The following ATP13A1 variants were observed in gnomAD, a reference collection of about 807,000 sequenced individuals.
ATP13A1 encodes the protein endoplasmic reticulum transmembrane helix translocase.
In ATP13A1, 55 loss-of-function variants were observed where a neutral mutation model predicts 134.8. The observed-to-expected ratio is 0.41, with a 90% confidence interval of 0.33 to 0.51. ATP13A1 has a LOEUF of 0.51. Among genes scored for constraint, ATP13A1 ranks in the 20% least tolerant of loss-of-function variants. The probability of loss-of-function intolerance (pLI) is 0.29; values close to 1 mark genes in which losing one functional copy is unlikely to be tolerated. For missense variants in ATP13A1, 1,389 were observed against 1,652.8 expected, an observed-to-expected ratio of 0.84 and a Z score of 2.77; for synonymous variants, 775 against 725.1, an observed-to-expected ratio of 1.07 and a Z score of -1.10.
At chr19:19,650,137 G>A (rs2144996468) in intron 17 of ATP13A1, 197 bp from the exon 18 acceptor site, 4 of 604,010 alleles carry the variant, frequency 6.6e-6, no homozygotes, top group Non-Finnish European at 1.2e-5. Context: ...GGAACCAAGA[G>A]CCTGGGGCCT....
chr19:19,659,814 C>T (rs746197673), intron 2 of ATP13A1, 23 bp from the exon 3 acceptor site: 2 of 1,610,180 alleles, frequency 1.2e-6, no homozygotes, highest in Admixed American at 1.7e-5. Flanking sequence ...GTGTGTTTGC[C>T]ACAGAGGCCC....
chr19:19,659,030 T>A (rs1599437532), intron 3 of ATP13A1, among the ~76,000 whole-genome samples: 1 of 152,252 alleles, frequency 6.6e-6, no homozygotes, highest in South Asian at 2.1e-4. Flanking sequence ...ACACTCAAGG[T>A]CTCACACCCC....
chr19:19,645,535 G>A lies in ATP13A1; in HGVS notation c.3505-3C>T. The A allele has an allele frequency of 1.3e-6, 2 of 1,593,184 alleles. No homozygotes were observed. Among genetic ancestry groups the A allele is most frequent in the Non-Finnish European group, 1.7e-6 (2 of 1,170,066 alleles). On this transcript the variant is annotated splice_polypyrimidine_tract_variant and splice_region_variant and intron_variant, in intron 25 of 25. Transcript: ENST00000357324. The surrounding 1 kb of genome is among the most constrained non-coding windows in gnomAD (Gnocchi z 4.1). The stretch of plus-strand genomic sequence containing the variant: ...ACCTGGGCAATGACCAGCTTGAACT[G>A]TCGGGGCAGGGAGGGATGGTGAGCT...
At chr19:19,646,180 TCAC>T (rs2061984502) in intron 23 of ATP13A1, 22 bp downstream of exon 23, 1 of 1,612,816 alleles carries the variant, frequency 6.2e-7, no homozygotes, top group Non-Finnish European at 8.5e-7. Flanking sequence ...TGCAGGGACA[TCAC>T]CTCCTCCAAG....
chr19:19,649,479 C>T, intron 19 of ATP13A1, 88 bp downstream of exon 19: 2 of 1,401,874 alleles, frequency 1.4e-6, no homozygotes, highest in Non-Finnish European at 2.0e-6. Context: ...CCGTGGCTGT[C>T]ACCAAGGGCC....
In ATP13A1 at chr19:19,659,978, G is replaced by T; in HGVS notation, c.406C>A (p.Pro136Thr). Residue 136 changes from proline to threonine, a missense_variant, in exon 2 of 26, where the codon CCC becomes ACC. By Grantham distance (38) the Pro-to-Thr change is conservative. Around this residue, in one of 4 missense-constraint regions of ATP13A1, gnomAD observed 293 missense variants for 270.8 expected, o/e 1.08. Coordinates refer to ENST00000357324, the MANE Select transcript of ATP13A1 (RefSeq NM_020410.3). Reference sequence around the variant, plus strand: ...ACCTTCACAAAGGTCGCTTTGCTGGGGTCGTACTCCTGACAGAGACAAAGA... The same window carrying T: ...ACCTTCACAAAGGTCGCTTTGCTGGTGTCGTACTCCTGACAGAGACAAAGA... ...CALTCTPEYD[P>T]SKATFVKVVP... The T allele has an allele frequency of 6.4e-7, 1 of 1,570,038 alleles. No homozygotes were observed. Among genetic ancestry groups the T allele is most frequent in the Non-Finnish European group, 8.6e-7 (1 of 1,159,114 alleles).
chr19:19,654,798 C>T, intron 12 of ATP13A1, 98 bp from the exon 13 acceptor site: 1 of 1,413,894 alleles, frequency 7.1e-7, no homozygotes, highest in South Asian at 1.4e-5. Context: ...TCATTCCGTG[C>T]TTGTCACTGG....
At chr19:19,651,985 G>A (rs951697248) in intron 16 of ATP13A1, among the ~76,000 whole-genome samples, 188 bp from the exon 17 acceptor site, 8 of 151,932 alleles carry the variant, frequency 5.3e-5, no homozygotes. Context: ...CAAATGACAC[G>A]TGTATGTGCG....
intron 19 of ATP13A1, among the ~76,000 whole-genome samples, chr19:19,648,455 G>C: frequency 6.8e-6 from 1 of 147,436 alleles, no homozygotes; most frequent in Non-Finnish European, 1.5e-5. Flanking sequence ...AAAAACCAAC[G>C]TAAGATTGAT....
At position 19,649,855 on chromosome 19, in the gene ATP13A1, G is replaced by A. The variant is rs144087268; in HGVS notation, c.2421C>T (p.Tyr807=). Residue 807 remains tyrosine, a synonymous_variant, in exon 18 of 26, where the codon TAC becomes TAT. Coordinates refer to ENST00000357324, the MANE Select transcript of ATP13A1 (RefSeq NM_020410.3). ...RGSPKALALE[Y]ALCLTGDGLA... is the part of the protein sequence containing the mutation. ...AGCCGTCGCCTGTGAGGCACAGTGC[G>A]TACTCCAGGGCCAGTGCCTTTGGGG... 142 of 1,603,804 alleles carry A rather than the reference G, an allele frequency of 8.9e-5. No homozygotes were observed. The highest frequency in any genetic ancestry group is 1.7e-4 in the Middle Eastern group (1 of 6,034).
In ATP13A1 at chr19:19,647,390, G is replaced by A. The variant is rs897244435; in HGVS notation, c.2908+24C>T. 1.2e-6 allele frequency: 2 copies of A among 1,608,468 alleles called. No individual in the cohort carries two copies. The highest frequency in any genetic ancestry group is 8.5e-7 in the Non-Finnish European group (1 of 1,176,918). On this transcript the variant is annotated intron_variant, in intron 21 of 25. Coordinates refer to ENST00000357324, the MANE Select transcript of ATP13A1 (RefSeq NM_020410.3). This position sits in a 1 kb window ranked among gnomAD's most constrained non-coding sequence, Gnocchi z 4.8. ...GGTGCCAAGGGGGGAATGAAGGGAG[G>A]GGGAGCGGGGGCAGGCAACTCACTG... is the stretch of plus-strand genomic sequence containing the variant.
rs750353208 is a variant in ATP13A1, at chr19:19,647,983, C to T, written c.2633-224G>A. ...AACCACCAACAATAAACCCCCACAA[C>T]AAATGCAATGAAAAAACACACAACA... On this transcript the variant is annotated intron_variant, in intron 19 of 25. Coordinates refer to ENST00000357324, the MANE Select transcript of ATP13A1 (RefSeq NM_020410.3). The surrounding 1 kb of genome is among the most constrained non-coding windows in gnomAD (Gnocchi z 4.8). Among the ~76,000 whole-genome samples the T allele has an allele frequency of 6.6e-6, 1 of 152,154 alleles. No homozygotes were observed. Among genetic ancestry groups the T allele is most frequent in the Non-Finnish European group, 1.5e-5 (1 of 68,024 alleles).
chr19:19,647,664 T>G lies in ATP13A1; in HGVS notation c.2728A>C (p.Thr910Pro). 1 of 1,612,704 alleles carries G rather than the reference T, an allele frequency of 6.2e-7. No individual in the cohort carries two copies. Among genetic ancestry groups the G allele is most frequent in the Non-Finnish European group, 8.5e-7 (1 of 1,179,772 alleles). ...GACCGCTGCTTGGCTGTCCTGGAGG[T>G]GGCTCTGATGCCACTGTTGCTCAGG... ...PTLSNSGIRA[T>P]SRTAKQRSGL... The change falls in exon 20 of 26, where the codon ACC becomes CCC. Residue 910 changes from threonine (T) to proline (P), a missense_variant. By Grantham distance (38) the Thr-to-Pro change is conservative (BLOSUM62 -1). Coordinates refer to ENST00000357324, the MANE Select transcript of ATP13A1 (RefSeq NM_020410.3). The surrounding 1 kb of genome is among the most constrained non-coding windows in gnomAD (Gnocchi z 4.8).
rs915249699 is a variant in ATP13A1 at position 19,653,824 on chromosome 19, G to A, written c.2060C>T (p.Ala687Val). The A allele has an allele frequency of 6.4e-7, 1 of 1,558,292 alleles. No individual in the cohort carries two copies. ...GTGTCCCAGCTCCTTGTACCCCAGC[G>A]CCAGGACGCGGGCTCCTTCCCGGGA... ...EISREGARVLALGYKELGHLT... is the reference protein window; with the variant it reads ...EISREGARVLVLGYKELGHLT... Residue 687 changes from alanine to valine, a missense_variant, in exon 15 of 26, where the codon GCG becomes GTG. By Grantham distance (64) the Ala-to-Val change is moderately conservative (BLOSUM62 0). This residue lies in a region of ATP13A1 where 747 missense variants were observed against 956.1 expected (regional missense o/e 0.78). Transcript: ENST00000357324. This position sits in a 1 kb window ranked among gnomAD's most constrained non-coding sequence, Gnocchi z 4.2.
intron 1 of ATP13A1, chr19:19,662,323 G>A (rs1243809638): frequency 2.0e-6 from 2 of 985,316 alleles, no homozygotes; most frequent in Non-Finnish European, 2.4e-6. Flanking sequence ...TCTCTCAGGA[G>A]AGGAGAATGA....
In ATP13A1 at chr19:19,652,620, C is replaced by T. The variant is rs769079462; in HGVS notation, c.2201G>A (p.Arg734Gln). 8.7e-6 allele frequency: 14 copies of T among 1,608,186 alleles called. No homozygotes were observed. The highest frequency in any genetic ancestry group is 4.5e-5 in the East Asian group (2 of 44,680). ...PLKADSKAVI[R>Q]EIQNASHRVV... ...CCGGTGGGACGCATTCTGGATCTCCCGGATCACGGCCTTGGAGTCAGCCTT... is the reference window on the plus strand; with the variant it reads ...CCGGTGGGACGCATTCTGGATCTCCTGGATCACGGCCTTGGAGTCAGCCTT... Residue 734 changes from arginine to glutamine, a missense_variant, in exon 16 of 26, where the codon CGG (arginine) becomes CAG (glutamine). By Grantham distance (43) the Arg-to-Gln change is conservative. Transcript: ENST00000357324.
At chr19:19,654,226 C>G (rs933944053) in intron 13 of ATP13A1, 82 bp from the exon 14 acceptor site, 62 of 1,376,122 alleles carry the variant, frequency 4.5e-5, no homozygotes, top group Admixed American at 2.8e-4. Context: ...CGGCCTCCCC[C>G]ACCTCCCTCC....
chr19:19,650,474 C>T (rs1002942963), intron 17 of ATP13A1: 49 of 161,420 alleles, frequency 3.0e-4, no homozygotes, highest in African/African-American at 1.1e-3. Flanking sequence ...TGGCCAAGGG[C>T]GGCCCGCCAG....
chr19:19,657,399 C>T lies in ATP13A1; in HGVS notation c.687G>A (p.Met229Ile), dbSNP rs1289970774. 19 of 1,567,444 alleles carry T rather than the reference C, an allele frequency of 1.2e-5. No individual in the cohort carries two copies. The highest frequency in any genetic ancestry group is 2.7e-5 in the African/African-American group (2 of 73,680). The change falls in exon 4 of 26, where the codon ATG becomes ATA. Residue 229 changes from methionine (M) to isoleucine (I), a missense_variant. By Grantham distance (10) the Met-to-Ile change is conservative. Transcript: ENST00000357324. The part of the protein sequence containing the change: ...EKKFGSNKAE[M>I]VVPDFSELFK... ...AAAGCTCCGAGAAGTCAGGCACCAC[C>T]ATCTCGGCCCTGCAAGAGACCAGGC... is the stretch of plus-strand genomic sequence containing the variant.
Sources: allele counts gnomAD v4.1 joint callset (sites outside exome capture counted in the v4.1 genomes callset), GRCh38; gene constraint gnomAD v4.1.1; regional missense constraint gnomAD v4.1.1; non-coding constraint Gnocchi (gnomAD v3.1); transcripts MANE v1.5; gene names NCBI Gene and HGNC (gene_info 2026-07-23, HGNC 2026-07-21).